DNM3: variants seen among roughly 807,000 people sequenced by gnomAD.
DNM3 encodes dynamin-3.
A neutral mutation model predicts 101.6 loss-of-function variants in DNM3; 47 were observed. The ratio of observed to expected loss-of-function variants is 0.46; its 90% CI spans 0.37 to 0.59. The LOEUF (loss-of-function observed/expected upper bound fraction) is 0.59. Ranked by LOEUF, DNM3 falls within the 20% of genes least tolerant of loss-of-function variation. The probability of loss-of-function intolerance (pLI) is 0.00; values close to 1 mark genes in which losing one functional copy is unlikely to be tolerated. For missense variants in DNM3, 849 were observed against 1,085.7 expected (o/e 0.78, Z 3.06); for synonymous variants, 385 against 387.9 (o/e 0.99, Z 0.09).
intron 15 of DNM3, among the ~76,000 whole-genome samples, chr1:172,283,309 CT>C (rs1216699877): frequency 6.6e-6 from 1 of 152,118 alleles, no homozygotes; most frequent in Non-Finnish European, 1.5e-5. Flanking sequence ...TGCCCCACCT[CT>C]TTATTTAGTT....
rs777023407 is a variant in DNM3 at position 172,388,795 on chromosome 1, G to A, written c.2508G>A (p.Pro836=). ...TTCCATCTAGGCCTACGAGGGCCCC[G>A]CCCAGTGTCCCAAGGTAAGGCATGG... ...PQVPSRPTRA[P]PSVPSRRPPP... Residue 836 remains proline, a synonymous_variant, in exon 20 of 21, where the codon CCG becomes CCA. Coordinates refer to ENST00000627582, the MANE Select transcript of DNM3 (RefSeq NM_015569.5). 55 of 1,584,006 alleles carry A rather than the reference G, an allele frequency of 3.5e-5. No individual in the cohort carries two copies. Among genetic ancestry groups the A allele is most frequent in the South Asian group, 4.6e-5 (4 of 86,812 alleles).
At chr1:172,219,220 G>A (rs929872955) in intron 14 of DNM3, among the ~76,000 whole-genome samples, 4 of 151,282 alleles carry the variant, frequency 2.6e-5, no homozygotes, top group Non-Finnish European at 5.9e-5. Context: ...AAACTAGCTG[G>A]GCATGGTGGC....
At chr1:172,285,457 C>T (rs756172374) in intron 15 of DNM3, among the ~76,000 whole-genome samples, 5 of 152,096 alleles carry the variant, frequency 3.3e-5, no homozygotes. Context: ...TGGTGATTTC[C>T]CTGGGTGGGG....
At chr1:172,272,036 T>C (rs1387857894) in intron 15 of DNM3, among the ~76,000 whole-genome samples, 1 of 152,136 alleles carries the variant, frequency 6.6e-6, no homozygotes, top group East Asian at 1.9e-4. Flanking sequence ...TTATTTTGTT[T>C]ATTTTTGAGA....
Position 172,379,039 on chromosome 1 carries a change from C to T in DNM3, c.1915C>T (p.Gln639Ter). 6.2e-7 allele frequency: 1 copy of T among 1,611,728 alleles called. No homozygotes were observed. Among genetic ancestry groups the T allele is most frequent in the Non-Finnish European group, 8.5e-7 (1 of 1,178,712 alleles). Residue 639 changes from glutamine (Q) to a stop codon, truncating the protein, a stop_gained, in exon 18 of 21, where the codon CAA becomes TAA. Transcript: ENST00000627582. LOFTEE classifies it high-confidence loss of function. ...TTAGGCTGAAAATGATGAGAATGGA[C>T]AAGCAGAAAACTTTTCCATGGACCC... ...NNKAENDENG[Q>*]AENFSMDPQL...
intron 17 of DNM3, among the ~76,000 whole-genome samples, chr1:172,367,465 T>A (rs1230226404): frequency 2.0e-5 from 3 of 151,884 alleles, no homozygotes; most frequent in African/African-American, 7.2e-5. Context: ...GGAAAGGAAT[T>A]TAATCTTATC....
chr1:172,032,434 G>A lies in DNM3; in HGVS notation c.622G>A (p.Asp208Asn). The stretch of plus-strand genomic sequence containing the variant: ...AACCATTGGAGTTATCACCAAACTG[G>A]ACCTTATGGATGAAGGAACGGATGC... ...LRTIGVITKL[D>N]LMDEGTDARD... Residue 208 changes from aspartate (D) to asparagine (N), a missense_variant, in exon 5 of 21, where the codon GAC (aspartate) becomes AAC (asparagine). Coordinates refer to ENST00000627582, the MANE Select transcript of DNM3 (RefSeq NM_015569.5). 1 of 1,612,422 alleles carries A rather than the reference G, an allele frequency of 6.2e-7. No individual in the cohort carries two copies. The highest frequency in any genetic ancestry group is 8.5e-7 in the Non-Finnish European group (1 of 1,179,090).
At chr1:172,069,995 G>C (rs745559741) in intron 11 of DNM3, among the ~76,000 whole-genome samples, 9 of 152,112 alleles carry the variant, frequency 5.9e-5, no homozygotes, top group Non-Finnish European at 1.3e-4. Context: ...GGAGGAGAAA[G>C]GAGAAAAGGA....
chr1:172,257,687 A>G (rs2062461840), intron 15 of DNM3, among the ~76,000 whole-genome samples: 1 of 152,116 alleles, frequency 6.6e-6, no homozygotes, highest in African/African-American at 2.4e-5. Context: ...CATCATCACA[A>G]GTGTATATCA....
At chr1:172,416,502 A>C (rs2071429560), downstream of DNM3, among the ~76,000 whole-genome samples, 1 of 152,220 alleles carries the variant, frequency 6.6e-6, no homozygotes, top group Admixed American at 6.5e-5. Flanking sequence ...TGTTTCAAGC[A>C]AACATTCTAG....
At chr1:171,853,725 C>T (rs1213597711) in intron 1 of DNM3, among the ~76,000 whole-genome samples, 1 of 152,134 alleles carries the variant, frequency 6.6e-6, no homozygotes, top group Non-Finnish European at 1.5e-5. Context: ...TGTGGGATAA[C>T]TCTGACAGCA....
intron 2 of DNM3, among the ~76,000 whole-genome samples, chr1:171,973,990 G>GTTT (rs369504102): frequency 6.8e-6 from 1 of 147,734 alleles, no homozygotes; most frequent in African/African-American, 2.5e-5. Context: ...TAGTGTTTTT[G>GTTT]TTTTTTTTTT....
At chr1:172,086,994 T>C (rs900361438) in intron 12 of DNM3, among the ~76,000 whole-genome samples, 3 of 152,136 alleles carry the variant, frequency 2.0e-5, no homozygotes, top group Non-Finnish European at 2.9e-5. Flanking sequence ...CCTCTTTGAG[T>C]GGCCTTAGTC....
intron 17 of DNM3, among the ~76,000 whole-genome samples, chr1:172,333,239 A>T (rs1428434038): frequency 1.3e-5 from 2 of 152,172 alleles, no homozygotes; most frequent in Non-Finnish European, 2.9e-5. Flanking sequence ...TTGAAATCTA[A>T]TAAGTTAAGA....
chr1:172,063,182 C>T (rs562936589), intron 10 of DNM3, among the ~76,000 whole-genome samples: 202 of 152,246 alleles, frequency 1.3e-3, no homozygotes, highest in African/African-American at 4.5e-3. Context: ...AGACGGTTAC[C>T]TAATAACTCC....
At chr1:172,105,038 A>T (rs143800275) in intron 13 of DNM3, among the ~76,000 whole-genome samples, 17 of 152,332 alleles carry the variant, frequency 1.1e-4, no homozygotes, top group African/African-American at 4.1e-4. Context: ...TAATTTACAT[A>T]AGGCACTGTG....
intron 2 of DNM3, among the ~76,000 whole-genome samples, chr1:171,987,083 T>C (rs528394686): frequency 2.0e-5 from 3 of 152,312 alleles, no homozygotes; most frequent in African/African-American, 7.2e-5. Flanking sequence ...TGCTTTGATA[T>C]AATACTCTAT....
intron 2 of DNM3, among the ~76,000 whole-genome samples, chr1:171,978,818 A>G (rs1459772121): frequency 6.6e-6 from 1 of 152,116 alleles, no homozygotes; most frequent in Non-Finnish European, 1.5e-5. Context: ...TTTGGAAGAG[A>G]GCTGAGGAAA....
At chr1:172,233,291 A>G (rs1038193211) in intron 14 of DNM3, among the ~76,000 whole-genome samples, 2 of 152,234 alleles carry the variant, frequency 1.3e-5, no homozygotes, top group African/African-American at 4.8e-5. Context: ...AAAATCTAGA[A>G]GAAATGGATA....
Sources: allele counts gnomAD v4.1 joint callset (sites outside exome capture counted in the v4.1 genomes callset), GRCh38; gene constraint gnomAD v4.1.1; transcripts MANE v1.5; gene names NCBI Gene and HGNC (gene_info 2026-07-23, HGNC 2026-07-21).